CUL3: variants seen among roughly 807,000 people sequenced by gnomAD.
CUL3 encodes cullin-3.
In CUL3, 19 loss-of-function variants were observed where a neutral mutation model predicts 89.1. The ratio of observed to expected loss-of-function variants is 0.21; its 90% CI spans 0.15 to 0.31. The LOEUF (loss-of-function observed/expected upper bound fraction) is 0.31. CUL3 is among the 10% of genes least tolerant of loss of function. The pLI is 1.00. For missense variants in CUL3, 469 were observed against 942.3 expected, an observed-to-expected ratio of 0.50 and a Z score of 6.58; for synonymous variants, 351 against 308.4, an observed-to-expected ratio of 1.14 and a Z score of -1.45.
intron 1 of CUL3, among the ~76,000 whole-genome samples, chr2:224,566,467 CTCCTTTACTAGTCAATA>C (rs1478731810): frequency 6.6e-6 from 1 of 152,202 alleles, no homozygotes; most frequent in East Asian, 1.9e-4. Flanking sequence ...ATGTGCTTCT[CTCCTTTACTAGTCAATA>C]TCCTTTGTGG....
At chr2:224,538,255 T>C (rs1693965498) in intron 2 of CUL3, among the ~76,000 whole-genome samples, 1 of 152,222 alleles carries the variant, frequency 6.6e-6, no homozygotes, top group African/African-American at 2.4e-5. Context: ...AAAAAATTTT[T>C]CCTCCAACAT....
At chr2:224,583,030 G>C (rs1043176532) in intron 1 of CUL3, among the ~76,000 whole-genome samples, 5 of 152,150 alleles carry the variant, frequency 3.3e-5, no homozygotes, top group African/African-American at 1.2e-4. Flanking sequence ...ATCTTATTTA[G>C]AACATGAGAC....
intron 3 of CUL3, among the ~76,000 whole-genome samples, chr2:224,527,854 G>A (rs551428221): frequency 7.2e-5 from 11 of 152,026 alleles, no homozygotes; most frequent in Non-Finnish European, 1.2e-4. Context: ...TTTCAAAAAC[G>A]CTACTATCTT....
At chr2:224,511,257 T>G in intron 6 of CUL3, 97 bp downstream of exon 6, 1 of 850,358 alleles carries the variant, frequency 1.2e-6, no homozygotes, top group Non-Finnish European at 1.8e-6. Context: ...CAAAACTTCT[T>G]GAAAGCTGAT....
intron 2 of CUL3, among the ~76,000 whole-genome samples, chr2:224,554,319 G>C (rs919958541): frequency 5.9e-5 from 9 of 152,074 alleles, no homozygotes; most frequent in African/African-American, 2.2e-4. Context: ...AATAATTTTA[G>C]AAATAAAGAA....
chr2:224,474,679 G>T (rs1447514986), intron 15 of CUL3, among the ~76,000 whole-genome samples: 1 of 152,162 alleles, frequency 6.6e-6, no homozygotes, highest in African/African-American at 2.4e-5. Flanking sequence ...GTTATCTACT[G>T]AATTCTGAGT....
intron 3 of CUL3, among the ~76,000 whole-genome samples, chr2:224,517,680 T>C (rs564259813): frequency 6.6e-6 from 1 of 152,178 alleles, no homozygotes; most frequent in South Asian, 2.1e-4. Flanking sequence ...AGAAAACAAA[T>C]AGTGTACTTA....
chr2:224,492,823 T>A (rs1049470298), intron 13 of CUL3, among the ~76,000 whole-genome samples: 1 of 152,176 alleles, frequency 6.6e-6, no homozygotes, highest in Non-Finnish European at 1.5e-5. Context: ...AAATGAGAAG[T>A]GACACTACAT....
chr2:224,521,670 G>A (rs1441900697), intron 3 of CUL3, among the ~76,000 whole-genome samples: 1 of 151,686 alleles, frequency 6.6e-6, no homozygotes, highest in Non-Finnish European at 1.5e-5. Flanking sequence ...GACCCGCCTC[G>A]GCCTCTCAAA....
chr2:224,574,789 AT>A (rs1399072909), intron 1 of CUL3, among the ~76,000 whole-genome samples: 2 of 152,210 alleles, frequency 1.3e-5, no homozygotes, highest in Non-Finnish European at 2.9e-5. Context: ...AATCCTCACA[AT>A]TTGTGAAAGA....
intron 13 of CUL3, chr2:224,495,473 G>C (rs982097712): frequency 6.2e-6 from 1 of 160,512 alleles, no homozygotes; most frequent in Non-Finnish European, 1.4e-5. Context: ...CCTGGGGCTG[G>C]AGGTGGTAGG....
chr2:224,508,961 C>CAAAAAGA (rs1692710189), intron 6 of CUL3, among the ~76,000 whole-genome samples: 1 of 112,892 alleles, frequency 8.9e-6, no homozygotes, highest in Non-Finnish European at 1.7e-5. Flanking sequence ...GACTTCGTCT[C>CAAAAAGA]AAAAAAAAAA....
intron 1 of CUL3, among the ~76,000 whole-genome samples, chr2:224,576,850 A>G (rs1021673739): frequency 1.3e-5 from 2 of 152,188 alleles, no homozygotes; most frequent in Non-Finnish European, 2.9e-5. Context: ...CACTTACTCT[A>G]AGGATTACAT....
Position 224,474,385 on chromosome 2 carries a change from G to T in CUL3, c.2176-9C>A. On this transcript the variant is annotated splice_polypyrimidine_tract_variant and intron_variant, in intron 15 of 15. Transcript: ENST00000264414. ...TTCAACTGCTGAGTTACCTAAAAAA[G>T]AAAGTAGATAGTATTTTTATATAAA... The T allele has an allele frequency of 6.2e-7, 1 of 1,610,674 alleles. No homozygotes were observed. Among genetic ancestry groups the T allele is most frequent in the Non-Finnish European group, 8.5e-7 (1 of 1,178,444 alleles).
chr2:224,498,540 C>T (rs1181987090), intron 11 of CUL3, among the ~76,000 whole-genome samples: 2 of 152,152 alleles, frequency 1.3e-5, no homozygotes, highest in East Asian at 1.9e-4. Context: ...AGGGAAAAAA[C>T]CCAACATTTC....
At position 224,472,877 on chromosome 2, in the gene CUL3, G is replaced by A. The variant is rs1285123845; in HGVS notation, c.*1368C>T. On this transcript the variant is annotated 3_prime_UTR_variant, in exon 16 of 16. Transcript: ENST00000264414. ...TGTATCAACAGTACTGATAGTCAAC[G>A]AAGGGTCAATTTAAACTTATTAGTA... 9.4e-6 allele frequency: 2 copies of A among 212,610 alleles called. No individual in the cohort carries two copies. The highest frequency in any genetic ancestry group is 1.9e-5 in the Non-Finnish European group (2 of 104,682). 13.2% of individuals were successfully genotyped at this position (212,610 alleles called of 1,614,324 possible).
chr2:224,545,159 AATTTT>A (rs1387261914), intron 2 of CUL3, among the ~76,000 whole-genome samples: 1 of 152,164 alleles, frequency 6.6e-6, no homozygotes, highest in Non-Finnish European at 1.5e-5. Flanking sequence ...CAAGATAATT[AATTTT>A]AAGTTTTGTA....
intron 2 of CUL3, among the ~76,000 whole-genome samples, chr2:224,543,539 G>C (rs370208445): frequency 6.6e-6 from 1 of 152,120 alleles, no homozygotes; most frequent in African/African-American, 2.4e-5. Flanking sequence ...GAGGCCACTC[G>C]TGTTTCAGAT....
intron 2 of CUL3, among the ~76,000 whole-genome samples, chr2:224,542,710 A>G (rs527920067): frequency 2.6e-5 from 4 of 152,156 alleles, no homozygotes; most frequent in South Asian, 2.1e-4. Context: ...TGTCTGGCCT[A>G]TTTTTCAACT....
Sources: allele counts gnomAD v4.1 joint callset (sites outside exome capture counted in the v4.1 genomes callset), GRCh38; gene constraint gnomAD v4.1.1; transcripts MANE v1.5; gene names NCBI Gene and HGNC (gene_info 2026-07-23, HGNC 2026-07-21).